The following POC1B variants were observed in gnomAD, a reference collection of about 807,000 sequenced individuals.
POC1B encodes the protein POC1 centriolar protein B.
A neutral mutation model predicts 60.6 loss-of-function variants in POC1B; 44 were observed. The ratio of observed to expected loss-of-function variants is 0.73; its 90% CI spans 0.57 to 0.93. The LOEUF is 0.93. Among genes scored for constraint, POC1B ranks in the 40% least tolerant of loss-of-function variants. The pLI is 0.00. For missense variants in POC1B, 555 were observed against 572.3 expected (o/e 0.97, Z 0.31); for synonymous variants, 180 against 198.9 (o/e 0.90, Z 0.80).
chr12:89,500,707 A>C, intron 2 of POC1B: 9 of 1,368,266 alleles, frequency 6.6e-6, no homozygotes, highest in Non-Finnish European at 9.2e-6. Context: ...AAACCAAAAA[A>C]AGATTAAACT....
At chr12:89,437,305 G>A (rs12301275) in intron 10 of POC1B, among the ~76,000 whole-genome samples, 3,232 of 151,930 alleles carry the variant, frequency 0.021, 115 homozygotes, top group African/African-American at 0.074. Context: ...CAATTCTTAG[G>A]GTGAATCCAA....
intron 10 of POC1B, among the ~76,000 whole-genome samples, chr12:89,439,165 A>C (rs182970134): frequency 1.4e-4 from 21 of 152,264 alleles, no homozygotes; most frequent in Non-Finnish European, 1.3e-4. Flanking sequence ...GTGTCTCTTC[A>C]ACTGGCAGGA....
intron 4 of POC1B, among the ~76,000 whole-genome samples, chr12:89,491,638 A>AG (rs1183226202): frequency 2.0e-5 from 3 of 148,166 alleles, no homozygotes; most frequent in African/African-American, 7.4e-5. Flanking sequence ...AAAAAAAAAA[A>AG]GAAAAAAAAA....
At chr12:89,459,812 T>C (rs1308943581) in intron 9 of POC1B, 94 bp from the exon 10 acceptor site, 2 of 674,728 alleles carry the variant, frequency 3.0e-6, no homozygotes, top group Non-Finnish European at 4.6e-6. Flanking sequence ...TCTAATATAT[T>C]CTAAAATTAA....
rs958837577 is a variant in POC1B at position 89,425,027 on chromosome 12, A to C, written c.1332+134T>G. ...ATCTCTACAAGATCTTGTTTAGGGC[A>C]TTGCCACCTTGAGTTTGCTTTGCTA... On this transcript the variant is annotated intron_variant, in intron 11 of 11. Coordinates refer to ENST00000313546, the MANE Select transcript of POC1B (RefSeq NM_172240.3). The C allele has an allele frequency of 9.8e-6, 8 of 819,316 alleles. No individual in the cohort carries two copies. The African/African-American group carries it at 1.2e-4, about 12-fold the overall frequency. The allele number at this position is 819,316 out of a possible 1,614,324, so 50.8% of individuals were successfully genotyped here. A position where few individuals can be genotyped will look rare whatever the true frequency, so the allele number is the denominator to read the frequency against.
chr12:89,411,311 A>T, the POC1B span, among the ~76,000 whole-genome samples: 1 of 152,250 alleles, frequency 6.6e-6, no homozygotes, highest in African/African-American at 2.4e-5. Context: ...CATATAGCCA[A>T]GACAATCCTA....
At chr12:89,502,363 C>T (rs748327667) in intron 2 of POC1B, 44 of 1,608,326 alleles carry the variant, frequency 2.7e-5, no homozygotes, top group African/African-American at 8.0e-5. Context: ...GGAGTACTGG[C>T]GAGGACAGCA....
chr12:89,513,763 G>T (rs916558992), intron 2 of POC1B, among the ~76,000 whole-genome samples: 1 of 152,114 alleles, frequency 6.6e-6, no homozygotes, highest in Admixed American at 6.5e-5. Context: ...CAAACCTTAA[G>T]GCTTGAGCTC....
chr12:89,430,286 CA>C (rs1880976634), intron 10 of POC1B, among the ~76,000 whole-genome samples: 1 of 152,164 alleles, frequency 6.6e-6, no homozygotes, highest in Non-Finnish European at 1.5e-5. Flanking sequence ...ATCCTGGGGA[CA>C]AATGACTCTT....
At chr12:89,477,188 T>C (rs76217950) in intron 4 of POC1B, among the ~76,000 whole-genome samples, 2,253 of 152,340 alleles carry the variant, frequency 0.015, 44 homozygotes, top group Middle Eastern at 0.048. Flanking sequence ...TAGAATTTGA[T>C]GTTTACAGAT....
intron 4 of POC1B, among the ~76,000 whole-genome samples, chr12:89,475,910 C>CTTTTTTTTTTTTTT (rs972058107): frequency 1.2e-5 from 1 of 86,140 alleles, no homozygotes; most frequent in Non-Finnish European, 2.1e-5. Flanking sequence ...TGAGGGAATT[C>CTTTTTTTTTTTTTT]TTTTTTTTTT....
At chr12:89,405,708 A>T in the POC1B span, among the ~76,000 whole-genome samples, 1 of 152,204 alleles carries the variant, frequency 6.6e-6, no homozygotes, top group East Asian at 1.9e-4. Context: ...GTAATCCTGC[A>T]CTATGGGAGG....
At chr12:89,482,003 G>A (rs1416694918) in intron 4 of POC1B, among the ~76,000 whole-genome samples, 2 of 152,214 alleles carry the variant, frequency 1.3e-5, no homozygotes, top group African/African-American at 2.4e-5. Context: ...TTTAGACAAC[G>A]ACAGCATAAT....
At chr12:89,524,443 G>C (rs780766686) in intron 2 of POC1B, 1 of 1,613,788 alleles carries the variant, frequency 6.2e-7, no homozygotes, top group South Asian at 1.1e-5. Flanking sequence ...GCCGGCTCCT[G>C]CGGAGGCATG....
the POC1B span, among the ~76,000 whole-genome samples, chr12:89,404,675 C>G: frequency 6.6e-6 from 1 of 152,206 alleles, no homozygotes; most frequent in Admixed American, 6.5e-5. Flanking sequence ...TTCCTTCCAA[C>G]TAACTTGACT....
At chr12:89,472,327 C>A in intron 4 of POC1B, 52 bp from the exon 5 acceptor site, 2 of 1,134,130 alleles carry the variant, frequency 1.8e-6, no homozygotes, top group Non-Finnish European at 2.6e-6. Flanking sequence ...TGGAGAGTCA[C>A]CACCTCACCT....
chr12:89,481,482 G>C (rs1868364060), intron 4 of POC1B, among the ~76,000 whole-genome samples: 1 of 152,146 alleles, frequency 6.6e-6, no homozygotes, highest in Non-Finnish European at 1.5e-5. Context: ...CTAAATCTTA[G>C]TACATGGAAG....
At chr12:89,402,374 TTTAAAAATTTTTTTTTAG>T in the POC1B span, among the ~76,000 whole-genome samples, 54 of 151,080 alleles carry the variant, frequency 3.6e-4, no homozygotes, top group African/African-American at 1.3e-3. Flanking sequence ...CACACACCCC[TTTAAAAATTTTTTTTTAG>T]GTTCAGGGGT....
chr12:89,504,464 CTG>C (rs1422291134), intron 2 of POC1B, among the ~76,000 whole-genome samples: 2 of 152,190 alleles, frequency 1.3e-5, no homozygotes, highest in Non-Finnish European at 2.9e-5. Context: ...GACACAAACA[CTG>C]CGGAAGGCCG....
Sources: gnomAD v4.1 joint callset for allele counts (sites outside exome capture counted in the v4.1 genomes callset) on GRCh38, gnomAD v4.1.1 for gene constraint, MANE v1.5 for transcripts, NCBI Gene and HGNC (gene_info 2026-07-23, HGNC 2026-07-21) for gene names.